PADI6: variants seen among roughly 807,000 people sequenced by gnomAD.
The protein encoded by PADI6 is inactive protein-arginine deiminase type-6.
A neutral mutation model predicts 78.2 loss-of-function variants in PADI6; 66 were observed. The ratio of observed to expected loss-of-function variants is 0.84; its 90% confidence interval spans 0.69 to 1.04. The LOEUF is 1.04. Ranked by LOEUF, PADI6 falls within the 50% of genes least tolerant of loss-of-function variation. The pLI, the probability that PADI6 is intolerant of heterozygous loss-of-function variation, is 0.00. For missense variants in PADI6, 854 were observed against 866.1 expected, an observed-to-expected ratio of 0.99 and a Z score of 0.18; for synonymous variants, 397 against 346.9, an observed-to-expected ratio of 1.14 and a Z score of -1.60.
intron 12 of PADI6, 69 bp downstream of exon 12, chr1:17,395,176 G>A (rs1557608412): frequency 1.3e-6 from 2 of 1,524,386 alleles, no homozygotes; most frequent in Middle Eastern, 1.8e-4. Flanking sequence ...GGAAGATTCT[G>A]GAGAGAAAAC....
intron 9 of PADI6, among the ~76,000 whole-genome samples, chr1:17,392,644 G>A (rs7529038): frequency 0.6 from 91,201 of 152,110 alleles, 27,621 homozygotes; most frequent in South Asian, 0.67. Flanking sequence ...TGCTAGGCAC[G>A]CCATCCTGAG....
At chr1:17,398,184 C>T (rs1364399462) in intron 14 of PADI6, among the ~76,000 whole-genome samples, 4 of 152,184 alleles carry the variant, frequency 2.6e-5, no homozygotes, top group South Asian at 2.1e-4. Flanking sequence ...TTCTATGCCC[C>T]GCACAGTGCA....
intron 6 of PADI6, among the ~76,000 whole-genome samples, chr1:17,387,459 G>GC (rs1553153216): frequency 2.8e-5 from 3 of 107,568 alleles, no homozygotes; most frequent in African/African-American, 7.2e-5. Context: ...AAGAAAAGGA[G>GC]GGGGGGGGGC....
In PADI6 at chr1:17,394,934, T is replaced by G; in HGVS notation, c.1338-17T>G. On this transcript the variant is annotated splice_polypyrimidine_tract_variant and intron_variant, in intron 11 of 15. Coordinates refer to ENST00000619609, the MANE Select transcript of PADI6 (RefSeq NM_207421.4). ...GCCACACTGGCTCAAGAGCTGTTCT[T>G]TCCATCTTCCTTCTAGCGCAGAGGG... The G allele has an allele frequency of 6.3e-7, 1 of 1,595,208 alleles. No individual in the cohort carries two copies. Among genetic ancestry groups the G allele is most frequent in the African/African-American group, 1.3e-5 (1 of 74,590 alleles).
rs1435452425 is a variant in PADI6, at chr1:17,388,519, TCTC to T, written c.821_823del (p.Ser274del). 1.2e-5 allele frequency: 19 copies of T among 1,613,204 alleles called. 1 individual carries two copies. Among genetic ancestry groups the T allele is most frequent in the South Asian group, 2.2e-5 (2 of 91,008 alleles). On this transcript the variant is annotated inframe_deletion, in exon 7 of 16. Transcript: ENST00000619609. ...CCATCTGCCGAATTCTCAGGCCTCA[TCTC>T]CTACTCTGTGTCCCTGGTGGAGGAG...
intron 3 of PADI6, 73 bp from the exon 4 acceptor site, chr1:17,379,847 G>A: frequency 7.3e-7 from 1 of 1,378,514 alleles, no homozygotes; most frequent in Admixed American, 1.7e-5. Context: ...CAGCCCCACA[G>A]GAGATAACCT....
chr1:17,375,293 G>T, intron 2 of PADI6, 134 bp from the exon 3 acceptor site: 1 of 779,516 alleles, frequency 1.3e-6, no homozygotes, highest in Non-Finnish European at 2.1e-6. Context: ...CCCCATACCA[G>T]CTCATAGGTG....
intron 8 of PADI6, among the ~76,000 whole-genome samples, chr1:17,390,428 C>T (rs905612345): frequency 2.0e-5 from 3 of 151,936 alleles, no homozygotes; most frequent in Admixed American, 6.6e-5. Flanking sequence ...GGTAAAACCC[C>T]GTCTCTACTA....
intron 3 of PADI6, among the ~76,000 whole-genome samples, chr1:17,377,773 C>T (rs952014264): frequency 2.2e-4 from 33 of 152,212 alleles, no homozygotes; most frequent in African/African-American, 8.0e-4. Flanking sequence ...ACCTGGGTCA[C>T]AGCCCAGACC....
At chr1:17,372,739 G>A (rs1204871) in intron 1 of PADI6, among the ~76,000 whole-genome samples, 2 of 151,970 alleles carry the variant, frequency 1.3e-5, no homozygotes, top group Non-Finnish European at 1.5e-5. Context: ...TTCCTGAGTC[G>A]CTTGCCCTGA....
intron 5 of PADI6, among the ~76,000 whole-genome samples, 167 bp downstream of exon 5, chr1:17,381,331 T>G (rs760773053): frequency 6.6e-6 from 1 of 152,050 alleles, no homozygotes; most frequent in Non-Finnish European, 1.5e-5. Context: ...AGATGTATAA[T>G]TGGGTAAGAG....
At chr1:17,374,060 C>T (rs1160034451) in intron 2 of PADI6, among the ~76,000 whole-genome samples, 1 of 152,040 alleles carries the variant, frequency 6.6e-6, no homozygotes, top group Non-Finnish European at 1.5e-5. Context: ...GGCCACACCC[C>T]CTCTACCAAT....
intron 9 of PADI6, among the ~76,000 whole-genome samples, chr1:17,392,982 A>T (rs908929069): frequency 4.0e-5 from 6 of 151,494 alleles, no homozygotes; most frequent in Non-Finnish European, 1.5e-5. Context: ...TGTCTCTACT[A>T]AAAAAATACA....
chr1:17,379,111 ATTTTTT>A (rs144547124), intron 3 of PADI6, among the ~76,000 whole-genome samples: 11 of 100,846 alleles, frequency 1.1e-4, no homozygotes, highest in Non-Finnish European at 1.8e-4. Context: ...TGCCCAGTTA[ATTTTTT>A]TTTTTTTTTT....
chr1:17,398,654 G>GCGCC, intron 14 of PADI6, 32 bp from the exon 15 acceptor site: 1 of 173,478 alleles, frequency 5.8e-6, no homozygotes, highest in Non-Finnish European at 1.1e-5. Flanking sequence ...TTGCTCCCCC[G>GCGCC]CCCCCCCCCC....
chr1:17,377,133 C>A (rs1258578237), intron 3 of PADI6, among the ~76,000 whole-genome samples: 1 of 151,902 alleles, frequency 6.6e-6, no homozygotes, highest in Non-Finnish European at 1.5e-5. Context: ...CACCACCATG[C>A]CCAGCTGACT....
chr1:17,378,927 T>C (rs2075044213), intron 3 of PADI6, among the ~76,000 whole-genome samples: 1 of 148,084 alleles, frequency 6.8e-6, no homozygotes, highest in Non-Finnish European at 1.5e-5. Flanking sequence ...TTAAAGGGGC[T>C]TAGAATTGTC....
chr1:17,390,058 G>C (rs938924845), intron 8 of PADI6, among the ~76,000 whole-genome samples: 1 of 152,170 alleles, frequency 6.6e-6, no homozygotes, highest in African/African-American at 2.4e-5. Context: ...CAGCACTTTG[G>C]GAGGCCGAGG....
At chr1:17,374,284 C>T (rs1311447874) in intron 2 of PADI6, among the ~76,000 whole-genome samples, 1 of 151,942 alleles carries the variant, frequency 6.6e-6, no homozygotes, top group Non-Finnish European at 1.5e-5. Context: ...CGCTGTGTGC[C>T]CAGGGCAGGC....
Sources: allele counts gnomAD v4.1 joint callset (sites outside exome capture counted in the v4.1 genomes callset), GRCh38; gene constraint gnomAD v4.1.1; transcripts MANE v1.5; gene names NCBI Gene and HGNC (gene_info 2026-07-23, HGNC 2026-07-21).